The following CISD1 variants were observed in gnomAD, a reference collection of about 807,000 sequenced individuals.
CISD1 encodes CDGSH iron sulfur domain 1, also known as CDGSH iron-sulfur domain-containing protein 1.
Under a neutral mutation model 12.0 loss-of-function variants are expected in CISD1, and 8 were observed. The observed-to-expected ratio is 0.67, with a 90% CI of 0.39 to 1.20. The LOEUF is 1.20. Among genes scored for constraint, CISD1 ranks in the 50% most tolerant of loss-of-function variants. The pLI, the probability that CISD1 is intolerant of heterozygous loss-of-function variation, is 0.01. For missense variants in CISD1, 107 were observed against 132.7 expected (o/e 0.81, Z 0.95); for synonymous variants, 38 against 42.2 (o/e 0.90, Z 0.39).
intron 1 of CISD1, among the ~76,000 whole-genome samples, chr10:58,273,001 G>T (rs1247816148): frequency 1.3e-5 from 2 of 152,114 alleles, no homozygotes; most frequent in Non-Finnish European, 2.9e-5. Flanking sequence ...GGGTAAATGG[G>T]ATTCATTATA....
rs1401142151 is a variant in CISD1, at chr10:58,288,949, G to A, written c.*1299G>A. The A allele has an allele frequency of 6.6e-6, 1 of 152,204 alleles. No homozygotes were observed. The highest frequency in any genetic ancestry group is 2.4e-5 in the African/African-American group (1 of 41,436). The allele number at this position is 152,204 out of a possible 1,614,324, so 9.4% of individuals were successfully genotyped here. ...TTGACAGGAATCAAACCTGACAGCAGCATATCCTATGTAATATATGATCAT... is the reference window on the plus strand; with the variant it reads ...TTGACAGGAATCAAACCTGACAGCAACATATCCTATGTAATATATGATCAT... On this transcript the variant is annotated 3_prime_UTR_variant, in exon 3 of 3. Coordinates refer to ENST00000333926, the MANE Select transcript of CISD1 (RefSeq NM_018464.5).
chr10:58,288,151 G>A lies in CISD1; in HGVS notation c.*501G>A, dbSNP rs1162018463. 6.6e-6 allele frequency: 1 copy of A among 152,250 alleles called. No individual in the cohort carries two copies. The highest frequency in any genetic ancestry group is 1.5e-5 in the Non-Finnish European group (1 of 68,014). 9.4% of individuals were successfully genotyped at this position (152,250 alleles called of 1,614,324 possible). A position where few individuals can be genotyped will look rare whatever the true frequency, so the allele number is the denominator to read the frequency against. ...TTTTCTTGACATTGGTAATGACACT[G>A]AGAAAATATGGCTTCTGTTTTTCAC... On this transcript the variant is annotated 3_prime_UTR_variant, in exon 3 of 3. Coordinates refer to ENST00000333926, the MANE Select transcript of CISD1 (RefSeq NM_018464.5).
chr10:58,283,913 A>G (rs879822301), intron 2 of CISD1, among the ~76,000 whole-genome samples: 1 of 152,246 alleles, frequency 6.6e-6, no homozygotes, highest in Admixed American at 6.5e-5. Flanking sequence ...ATCTTAGAAT[A>G]AATTAAGTAT....
intron 2 of CISD1, among the ~76,000 whole-genome samples, chr10:58,280,465 A>G (rs778172916): frequency 3.7e-4 from 56 of 152,194 alleles, no homozygotes; most frequent in Non-Finnish European, 6.9e-4. Context: ...CCATTAACAG[A>G]AATAAGAGAT....
intron 2 of CISD1, among the ~76,000 whole-genome samples, chr10:58,282,609 A>G (rs920096929): frequency 1.3e-5 from 2 of 152,230 alleles, no homozygotes; most frequent in African/African-American, 4.8e-5. Context: ...ACCCACAGAT[A>G]CAGATGGGGC....
intron 1 of CISD1, among the ~76,000 whole-genome samples, chr10:58,273,006 A>C (rs931035172): frequency 6.6e-6 from 1 of 152,222 alleles, no homozygotes; most frequent in African/African-American, 2.4e-5. Context: ...AATGGGATTC[A>C]TTATAGTATT....
At position 58,289,227 on chromosome 10, in the gene CISD1, T is replaced by C. The variant is rs1839462781; in HGVS notation, c.*1577T>C. 1 of 152,236 alleles carries C rather than the reference T, an allele frequency of 6.6e-6. No homozygotes were observed. The highest frequency in any genetic ancestry group is 1.5e-5 in the Non-Finnish European group (1 of 67,936). The allele number at this position is 152,236 out of a possible 1,614,324, so 9.4% of individuals were successfully genotyped here. ...AGCAATCATGCTTTTAAAGATGAACTGTTTTAAAGAAAAATAAATGCATCA... is the reference window on the plus strand; with the variant it reads ...AGCAATCATGCTTTTAAAGATGAACCGTTTTAAAGAAAAATAAATGCATCA... On this transcript the variant is annotated 3_prime_UTR_variant, in exon 3 of 3. Coordinates refer to ENST00000333926, the MANE Select transcript of CISD1 (RefSeq NM_018464.5).
At chr10:58,272,182 G>T (rs7077693) in intron 1 of CISD1, among the ~76,000 whole-genome samples, 12,723 of 148,912 alleles carry the variant, frequency 0.085, 782 homozygotes, top group African/African-American at 0.17. Flanking sequence ...GCCTCATAAA[G>T]ATTTTCTTCA....
chr10:58,279,030 A>C (rs568561580), intron 2 of CISD1, among the ~76,000 whole-genome samples: 1 of 152,226 alleles, frequency 6.6e-6, no homozygotes, highest in Non-Finnish European at 1.5e-5. Context: ...ATGTGAATAC[A>C]TGCAAGAAAA....
At chr10:58,276,693 A>AT (rs1186876813) in intron 1 of CISD1, among the ~76,000 whole-genome samples, 1 of 150,712 alleles carries the variant, frequency 6.6e-6, no homozygotes, top group Non-Finnish European at 1.5e-5. Flanking sequence ...CAAAGGAGTC[A>AT]TTTTGTTAAC....
intron 2 of CISD1, among the ~76,000 whole-genome samples, chr10:58,284,786 C>T (rs1409944551): frequency 6.6e-6 from 1 of 152,014 alleles, no homozygotes; most frequent in African/African-American, 2.4e-5. Flanking sequence ...ATATTTTCAA[C>T]ATAAGATTAA....
Position 58,277,184 on chromosome 10 carries a change from A to T in CISD1, c.99A>T (p.Arg33Ser). The change falls in exon 2 of 3, where the codon AGA (arginine) becomes AGT (serine). Residue 33 changes from arginine to serine, a missense_variant. Physicochemically the swap from Arg to Ser is moderately radical, Grantham distance 110. Coordinates refer to ENST00000333926, the MANE Select transcript of CISD1 (RefSeq NM_018464.5). The part of the protein sequence containing the change: ...TAAIGYLAYK[R>S]FYVKDHRNKA... ...CAATTGGTTATCTAGCTTACAAAAG[A>T]TTTTATGTTAAAGATCATCGAAATA... The T allele has an allele frequency of 6.2e-7, 1 of 1,612,694 alleles. No individual in the cohort carries two copies. Among genetic ancestry groups the T allele is most frequent in the Non-Finnish European group, 8.5e-7 (1 of 1,179,332 alleles).
At position 58,288,308 on chromosome 10, in the gene CISD1, C is replaced by A. The variant is rs1839452398; in HGVS notation, c.*658C>A. On this transcript the variant is annotated 3_prime_UTR_variant, in exon 3 of 3. Transcript: ENST00000333926. ...ATGAAGATGGATCCATTAAAGGAGCCAATAGTGAAAATTTAGTTAAAGGTG... is the reference window on the plus strand; with the variant it reads ...ATGAAGATGGATCCATTAAAGGAGCAAATAGTGAAAATTTAGTTAAAGGTG... 1 of 152,008 alleles carries A rather than the reference C, an allele frequency of 6.6e-6. No homozygotes were observed. Among genetic ancestry groups the A allele is most frequent in the African/African-American group, 2.4e-5 (1 of 41,340 alleles). The allele number at this position is 152,008 out of a possible 1,614,324, so 9.4% of individuals were successfully genotyped here.
intron 2 of CISD1, among the ~76,000 whole-genome samples, chr10:58,284,513 T>C (rs1839407565): frequency 6.6e-6 from 1 of 152,230 alleles, no homozygotes; most frequent in Non-Finnish European, 1.5e-5. Context: ...TTATACACTT[T>C]AATCGCATGA....
At chr10:58,273,411 A>C (rs1291234347) in intron 1 of CISD1, 1 of 152,156 alleles carries the variant, frequency 6.6e-6, no homozygotes, top group Admixed American at 6.5e-5. Flanking sequence ...CTCATAGAAG[A>C]GGAGAAACAT....
rs574220977 is a variant in CISD1, at chr10:58,279,994, A to G, written c.237+2672A>G. Among the ~76,000 whole-genome samples the G allele has an allele frequency of 3.3e-5, 5 of 152,276 alleles. No homozygotes were observed. The South Asian group carries it at 1.0e-3, about 32-fold the overall frequency. On this transcript the variant is annotated intron_variant, in intron 2 of 2. Coordinates refer to ENST00000333926, the MANE Select transcript of CISD1 (RefSeq NM_018464.5). ...TTTTTGTTTGTTTTTGTTTTTTCTT[A>G]ATTAAAAAAACATCACATCTTCTGG...
chr10:58,286,431 G>A (rs1839430764), intron 2 of CISD1, among the ~76,000 whole-genome samples: 1 of 152,190 alleles, frequency 6.6e-6, no homozygotes, highest in South Asian at 2.1e-4. Flanking sequence ...CAGGATCTTA[G>A]AACAGCGTTT....
chr10:58,271,164 C>T (rs1315303237), intron 1 of CISD1, among the ~76,000 whole-genome samples: 2 of 150,048 alleles, frequency 1.3e-5, no homozygotes, highest in Non-Finnish European at 3.0e-5. Flanking sequence ...CTCAGCCTCC[C>T]AAGTAGCTGG....
intron 2 of CISD1, among the ~76,000 whole-genome samples, chr10:58,281,731 A>G (rs2132282745): frequency 6.6e-6 from 1 of 152,356 alleles, no homozygotes; most frequent in Non-Finnish European, 1.5e-5. Flanking sequence ...ACCAATGGAA[A>G]AAATGTTATA....
Sources: gnomAD v4.1 joint callset for allele counts (sites outside exome capture counted in the v4.1 genomes callset) on GRCh38, gnomAD v4.1.1 for gene constraint, MANE v1.5 for transcripts, NCBI Gene and HGNC (gene_info 2026-07-23, HGNC 2026-07-21) for gene names.